Variants in FANCC observed in about 807,000 individuals in gnomAD.
FANCC encodes the protein FA complementation group C.
In FANCC, 55 loss-of-function variants were observed where a neutral mutation model predicts 71.3. The ratio of observed to expected loss-of-function variants is 0.77; its 90% confidence interval spans 0.62 to 0.97. The LOEUF is 0.97. Among genes scored for constraint, FANCC ranks in the 50% least tolerant of loss-of-function variants. The pLI, the probability that FANCC is intolerant of heterozygous loss-of-function variation, is 0.00. For missense variants in FANCC, 678 were observed against 670.9 expected, an observed-to-expected ratio of 1.01 and a Z score of -0.12; for synonymous variants, 275 against 244.9, an observed-to-expected ratio of 1.12 and a Z score of -1.15.
chr9:95,237,371 T>C (rs543782339), intron 4 of FANCC, among the ~76,000 whole-genome samples: 3 of 152,232 alleles, frequency 2.0e-5, no homozygotes, highest in Non-Finnish European at 4.4e-5. Context: ...AAGTTTATTA[T>C]CTCTGCTTCC....
chr9:95,280,115 A>C (rs1279770730), intron 1 of FANCC, among the ~76,000 whole-genome samples: 2 of 152,142 alleles, frequency 1.3e-5, no homozygotes, highest in Admixed American at 1.3e-4. Context: ...CAAACATACA[A>C]AAACAAGAAA....
Position 95,101,173 on chromosome 9 carries a change from T to C in FANCC, c.*534A>G, listed in dbSNP as rs1588006557. On this transcript the variant is annotated 3_prime_UTR_variant, in exon 15 of 15. Coordinates refer to ENST00000289081, the MANE Select transcript of FANCC (RefSeq NM_000136.3). ...CTGCTCCTGTGGCCTGTCAGGCAGG[T>C]CCAGGGAGACACAAGGGAAGCCTGA... The C allele has an allele frequency of 4.0e-6, 1 of 251,132 alleles. No individual in the cohort carries two copies. The highest frequency in any genetic ancestry group is 1.3e-4 in the South Asian group (1 of 7,720). The allele number at this position is 251,132 out of a possible 1,614,324, so 15.6% of individuals were successfully genotyped here. A position where few individuals can be genotyped will look rare whatever the true frequency, so the allele number is the denominator to read the frequency against.
chr9:95,126,053 A>G (rs1216726927), intron 9 of FANCC, among the ~76,000 whole-genome samples: 1 of 152,250 alleles, frequency 6.6e-6, no homozygotes, highest in Non-Finnish European at 1.5e-5. Flanking sequence ...TTTTCAAAAT[A>G]AAAATGTAAT....
intron 1 of FANCC, among the ~76,000 whole-genome samples, chr9:95,291,886 T>C (rs970525303): frequency 1.4e-5 from 2 of 138,360 alleles, no homozygotes; most frequent in Non-Finnish European, 1.5e-5. Context: ...AGGTGGAGGA[T>C]GCAGTGAGCC....
rs752869004 is a variant in FANCC, at chr9:95,135,513, G to C, written c.687-11C>G. 2 of 1,613,018 alleles carry C rather than the reference G, an allele frequency of 1.2e-6. No individual in the cohort carries two copies. Among genetic ancestry groups the C allele is most frequent in the South Asian group, 2.2e-5 (2 of 90,938 alleles). ...AGAGAAATCTTCTTCCTTTCAGAAA[G>C]AAATAAACAAAATTTTAAACAGAAA... On this transcript the variant is annotated splice_polypyrimidine_tract_variant and intron_variant, in intron 7 of 14. Coordinates refer to ENST00000289081, the MANE Select transcript of FANCC (RefSeq NM_000136.3).
At chr9:95,260,850 CTGTT>C (rs1179885382) in intron 1 of FANCC, among the ~76,000 whole-genome samples, 1 of 152,202 alleles carries the variant, frequency 6.6e-6, no homozygotes, top group East Asian at 1.9e-4. Context: ...TATGTATTTT[CTGTT>C]TGTTTGTTTT....
intron 1 of FANCC, among the ~76,000 whole-genome samples, chr9:95,260,164 C>T (rs1831933549): frequency 6.6e-6 from 1 of 152,084 alleles, no homozygotes; most frequent in Non-Finnish European, 1.5e-5. Flanking sequence ...CCAGAAATAC[C>T]ATTTGACCCA....
rs2136090802 is a variant in FANCC at position 95,247,450 on chromosome 9, G to C, written c.232C>G (p.Pro78Ala). ...TTCTTACCATATGCTAAAATAAAAGGATTCCAACAAGCTTTTGCCAACAGT... is the reference window on the plus strand; with the variant it reads ...TTCTTACCATATGCTAAAATAAAAGCATTCCAACAAGCTTTTGCCAACAGT... ...GQLLAKACWN[P>A]FILAYDESQK... The change falls in exon 3 of 15, where the codon CCT becomes GCT. Residue 78 changes from proline to alanine, a missense_variant. Physicochemically the swap from Pro to Ala is conservative, Grantham distance 27. Transcript: ENST00000289081. 1 of 1,612,944 alleles carries C rather than the reference G, an allele frequency of 6.2e-7. No homozygotes were observed. The highest frequency in any genetic ancestry group is 1.7e-4 in the Middle Eastern group (1 of 6,060).
intron 13 of FANCC, chr9:95,107,661 C>A: frequency 2.7e-6 from 1 of 375,378 alleles, no homozygotes; most frequent in South Asian, 2.6e-5. Context: ...AGACCTCCGC[C>A]GAGCCAGTGT....
At chr9:95,126,433 T>A (rs1825986085) in intron 9 of FANCC, 96 bp downstream of exon 9, 1 of 1,209,644 alleles carries the variant, frequency 8.3e-7, no homozygotes, top group East Asian at 2.5e-5. Flanking sequence ...AATTTCCCCA[T>A]GATACAGCCA....
intron 13 of FANCC, chr9:95,110,574 A>G: frequency 9.7e-7 from 1 of 1,034,108 alleles, no homozygotes; most frequent in African/African-American, 1.7e-5. Context: ...TCAACTTTTT[A>G]AAATCTAAAA....
Position 95,317,529 on chromosome 9 carries a change from G to C in FANCC, c.-82C>G, listed in dbSNP as rs1057522510. 2 of 152,332 alleles carry C rather than the reference G, an allele frequency of 1.3e-5. No homozygotes were observed. Among genetic ancestry groups the C allele is most frequent in the East Asian group, 3.9e-4 (2 of 5,194 alleles). 9.4% of individuals were successfully genotyped at this position (152,332 alleles called of 1,614,324 possible). On this transcript the variant is annotated 5_prime_UTR_variant, in exon 1 of 15. Coordinates refer to ENST00000289081, the MANE Select transcript of FANCC (RefSeq NM_000136.3). ...CGTTCTGCGGCCTGCCGCTTACCGG[G>C]TGGTCCTCGCGGGAGCTGCTTCAGC...
chr9:95,225,922 C>G (rs1171551117), intron 4 of FANCC, among the ~76,000 whole-genome samples: 3 of 152,124 alleles, frequency 2.0e-5, no homozygotes, highest in Admixed American at 2.0e-4. Flanking sequence ...AAAACATGCA[C>G]ATATAGAGAC....
intron 6 of FANCC, among the ~76,000 whole-genome samples, chr9:95,167,037 T>C (rs990485472): frequency 1.3e-5 from 2 of 152,354 alleles, no homozygotes; most frequent in African/African-American, 2.4e-5. Flanking sequence ...TGTCTTTTTT[T>C]CTTCATTTTT....
intron 7 of FANCC, among the ~76,000 whole-genome samples, chr9:95,140,091 A>G (rs1345464951): frequency 6.6e-6 from 1 of 151,974 alleles, no homozygotes; most frequent in Non-Finnish European, 1.5e-5. Context: ...ATCCCTACCT[A>G]ATAATTGGGA....
chr9:95,272,396 G>A (rs1191168668), intron 1 of FANCC, among the ~76,000 whole-genome samples: 1 of 151,930 alleles, frequency 6.6e-6, no homozygotes, highest in East Asian at 1.9e-4. Flanking sequence ...TCTTAGGTTG[G>A]GATGGAACAC....
At chr9:95,172,234 T>C (rs1056067035) in intron 4 of FANCC, 87 bp from the exon 5 acceptor site, 14 of 821,098 alleles carry the variant, frequency 1.7e-5, no homozygotes, top group African/African-American at 3.5e-5. Context: ...TATTTGTACA[T>C]GGGGGTGGTC....
At chr9:95,186,790 A>AT (rs10671582) in intron 4 of FANCC, among the ~76,000 whole-genome samples, 33,418 of 134,956 alleles carry the variant, frequency 0.25, 4,563 homozygotes, top group African/African-American at 0.35. Context: ...GGACTGTTGG[A>AT]TTTTTTTTTT....
intron 4 of FANCC, among the ~76,000 whole-genome samples, chr9:95,199,456 G>A (rs1827671268): frequency 6.6e-6 from 1 of 151,920 alleles, no homozygotes; most frequent in Non-Finnish European, 1.5e-5. Context: ...AGCCCGAATT[G>A]CTCTTCCGGT....
Sources: gnomAD v4.1 joint callset for allele counts (sites outside exome capture counted in the v4.1 genomes callset) on GRCh38, gnomAD v4.1.1 for gene constraint, MANE v1.5 for transcripts, NCBI Gene and HGNC (gene_info 2026-07-23, HGNC 2026-07-21) for gene names.